The following PLXNB2 variants were observed in gnomAD, a reference collection of about 807,000 sequenced individuals.
PLXNB2 encodes the protein plexin B2.
PLXNB2 carries 85 observed loss-of-function variants against 202.6 expected under a neutral mutation model. The observed-to-expected ratio is 0.42, with a 90% confidence interval of 0.35 to 0.50. PLXNB2 has a LOEUF of 0.50. Ranked by LOEUF, PLXNB2 falls within the 20% of genes least tolerant of loss-of-function variation. The pLI is 0.02. For synonymous variants in PLXNB2, 1,239 were observed against 1,137.6 expected (o/e 1.09, Z -1.79); for missense variants, 2,063 against 2,586.2 (o/e 0.80, Z 4.39).
chr22:50,283,139 G>C lies in PLXNB2; in HGVS notation c.2727C>G (p.Gly909=), dbSNP rs756462379. Residue 909 remains glycine (G), a synonymous_variant, in exon 17 of 37, where the codon GGC becomes GGG. Coordinates refer to ENST00000359337, the MANE Select transcript of PLXNB2 (RefSeq NM_012401.4). The part of the protein sequence containing the change: ...SVEPQQGPQA[G]GTTLTIHGTH... ...TGCCGTGGATGGTCAGTGTGGTGCC[G>C]CCCGCCTGCGGTCCCTGCTGCGGCT... The C allele has an allele frequency of 1.3e-6, 2 of 1,595,694 alleles. No individual in the cohort carries two copies. The highest frequency in any genetic ancestry group is 2.3e-5 in the East Asian group (1 of 43,778).
rs1356074125 is a variant in PLXNB2, at chr22:50,284,635, G to A, written c.2119C>T (p.Leu707Phe). ...GSSLHVGSDL[L>F]KFMEPVTMQE... ...ATGGTCACCGGCTCCATGAACTTGA[G>A]CAAGTCACTGCCCACGTGCAGGGAG... Residue 707 changes from leucine (L) to phenylalanine (F), a missense_variant, in exon 12 of 37, where the codon CTC becomes TTC. Leu to Phe is a conservative substitution (Grantham distance 22, BLOSUM62 0). This residue lies in a region of PLXNB2 where 1,303 missense variants were observed against 1,476.8 expected (regional missense o/e 0.88). Coordinates refer to ENST00000359337, the MANE Select transcript of PLXNB2 (RefSeq NM_012401.4). The surrounding 1 kb of genome is among the most constrained non-coding windows in gnomAD (Gnocchi z 8.0). 1.3e-5 allele frequency: 21 copies of A among 1,612,686 alleles called. No individual in the cohort carries two copies. The highest frequency in any genetic ancestry group is 1.6e-5 in the Non-Finnish European group (19 of 1,179,672).
chr22:50,286,399 G>C (rs1034564762), intron 8 of PLXNB2, 112 bp from the exon 9 acceptor site: 2 of 714,474 alleles, frequency 2.8e-6, no homozygotes, highest in African/African-American at 3.5e-5. Context: ...CTGGTCTTCA[G>C]GGGGCCCTGC....
In PLXNB2 at chr22:50,289,971, G is replaced by A; in HGVS notation, c.614C>T (p.Thr205Ile). 6.2e-7 allele frequency: 1 copy of A among 1,613,344 alleles called. No homozygotes were observed. The change falls in exon 3 of 37, where the codon ACC becomes ATC. Residue 205 changes from threonine (T) to isoleucine (I), a missense_variant. By Grantham distance (89) the Thr-to-Ile change is moderately conservative. This residue lies in a region of PLXNB2 where 1,303 missense variants were observed against 1,476.8 expected (regional missense o/e 0.88). Transcript: ENST00000359337. The surrounding 1 kb of genome is among the most constrained non-coding windows in gnomAD (Gnocchi z 8.0). Reference protein sequence around the residue: ...EAFEAYTDHATYKAGYLSTNT... With the variant: ...EAFEAYTDHAIYKAGYLSTNT... ...GGTGGACAGGTAGCCGGCCTTGTAG[G>A]TGGCGTGGTCCGTGTAGGCTTCAAA...
rs911079906 is a variant in PLXNB2, at chr22:50,279,636, T to G, written c.4383A>C (p.Ala1461=). The part of the protein sequence containing the change: ...TGLLGDDVEY[A]PLTVSVIVQD... ...CCCCACCCCAGAAGCTCACCAGGGGTGCGTACTCCACATCATCCCCCAGCA... is the reference window on the plus strand; with the variant it reads ...CCCCACCCCAGAAGCTCACCAGGGGGGCGTACTCCACATCATCCCCCAGCA... Residue 1461 remains alanine, a synonymous_variant, in exon 27 of 37, where the codon GCA becomes GCC. Coordinates refer to ENST00000359337, the MANE Select transcript of PLXNB2 (RefSeq NM_012401.4). The G allele has an allele frequency of 2.5e-6, 4 of 1,613,298 alleles. No homozygotes were observed. The highest frequency in any genetic ancestry group is 1.7e-4 in the Middle Eastern group (1 of 6,056).
chr22:50,279,357 A>T (rs2065831186), intron 27 of PLXNB2, among the ~76,000 whole-genome samples: 1 of 152,214 alleles, frequency 6.6e-6, no homozygotes, highest in Admixed American at 6.5e-5. Context: ...AGAACCCTGG[A>T]CACACCTGGT....
rs2066310827 is a variant in PLXNB2, at chr22:50,284,932, C to G, written c.2089-267G>C. 2 of 597,300 alleles carry G rather than the reference C, an allele frequency of 3.3e-6. No homozygotes were observed. The highest frequency in any genetic ancestry group is 6.5e-6 in the Non-Finnish European group (2 of 308,930). The allele number at this position is 597,300 out of a possible 1,614,324, so 37.0% of individuals were successfully genotyped here. On this transcript the variant is annotated intron_variant, in intron 11 of 36. Coordinates refer to ENST00000359337, the MANE Select transcript of PLXNB2 (RefSeq NM_012401.4). This position sits in a 1 kb window ranked among gnomAD's most constrained non-coding sequence, Gnocchi z 8.0. ...TCCACACCTGAGAACATCGCCCGGC[C>G]CACCTGACATCGTGGCCCCCACAGC...
intron 8 of PLXNB2, among the ~76,000 whole-genome samples, 199 bp downstream of exon 8, chr22:50,286,912 G>C (rs374723774): frequency 6.6e-6 from 1 of 152,178 alleles, no homozygotes; most frequent in Non-Finnish European, 1.5e-5. Flanking sequence ...GCGTGGCTGC[G>C]GACAGCCCAA....
intron 2 of PLXNB2, among the ~76,000 whole-genome samples, chr22:50,293,211 G>C (rs1276673829): frequency 6.6e-6 from 1 of 152,194 alleles, no homozygotes; most frequent in Non-Finnish European, 1.5e-5. Flanking sequence ...GCTCAGCCAG[G>C]GTCCCCCGCT....
intron 1 of PLXNB2, among the ~76,000 whole-genome samples, chr22:50,300,823 G>A (rs1387435284): frequency 6.6e-6 from 1 of 152,140 alleles, no homozygotes; most frequent in Non-Finnish European, 1.5e-5. Context: ...GCCCCATGAA[G>A]CCCCAGCTCC....
chr22:50,279,607 C>A (rs112066596), intron 27 of PLXNB2, 23 bp downstream of exon 27: 2 of 1,610,440 alleles, frequency 1.2e-6, no homozygotes, highest in Non-Finnish European at 1.7e-6. Flanking sequence ...GCGCCCATGG[C>A]GGCCCCCACC....
At chr22:50,302,715 T>TG (rs112374276) in intron 1 of PLXNB2, among the ~76,000 whole-genome samples, 3,102 of 151,050 alleles carry the variant, frequency 0.021, 54 homozygotes, top group South Asian at 0.037. Context: ...TGAGAGGGAG[T>TG]GGGGGGGGCC....
intron 28 of PLXNB2, 28 bp downstream of exon 28, chr22:50,278,827 G>A (rs752703564): frequency 7.5e-6 from 12 of 1,604,100 alleles, no homozygotes; most frequent in Middle Eastern, 1.7e-4. Flanking sequence ...GGGCGCCTGT[G>A]TGCAGACGGG....
Position 50,284,851 on chromosome 22 carries a change from C to A in PLXNB2, c.2089-186G>T, listed in dbSNP as rs757774535. On this transcript the variant is annotated intron_variant, in intron 11 of 36. Transcript: ENST00000359337. The surrounding 1 kb of genome is among the most constrained non-coding windows in gnomAD (Gnocchi z 8.0). ...CACTCCTGAGCCCAAACACCTGTGT[C>A]TGCAGAAGCCTCTGAACGTCCTCTG... The A allele has an allele frequency of 4.2e-6, 3 of 721,282 alleles. No homozygotes were observed. Among genetic ancestry groups the A allele is most frequent in the Non-Finnish European group, 7.8e-6 (3 of 385,340 alleles). The allele number at this position is 721,282 out of a possible 1,614,324, so 44.7% of individuals were successfully genotyped here. A position where few individuals can be genotyped will look rare whatever the true frequency, so the allele number is the denominator to read the frequency against.
chr22:50,289,574 G>T lies in PLXNB2; in HGVS notation c.1011C>A (p.Ala337=). ...GGAAGGGCTTGTAGAAGATGTCACG[G>T]GCCTCCCGGGTGCCTGTGTAACAGG... is the stretch of plus-strand genomic sequence containing the variant. ...RNACYTGTRE[A]RDIFYKPFHG... Residue 337 remains alanine (A), a synonymous_variant, in exon 3 of 37, where the codon GCC becomes GCA. Transcript: ENST00000359337. This position sits in a 1 kb window ranked among gnomAD's most constrained non-coding sequence, Gnocchi z 8.0. The T allele has an allele frequency of 6.2e-7, 1 of 1,611,520 alleles. No individual in the cohort carries two copies.
intron 2 of PLXNB2, among the ~76,000 whole-genome samples, chr22:50,292,279 A>G (rs1441694427): frequency 6.7e-6 from 1 of 148,992 alleles, no homozygotes; most frequent in South Asian, 2.1e-4. Flanking sequence ...CGGAGGTTGC[A>G]GCGAGCCAAG....
rs114655723 is a variant in PLXNB2, at chr22:50,288,095, A to C, written c.1381-58T>G. On this transcript the variant is annotated intron_variant, in intron 5 of 36. Transcript: ENST00000359337. This position sits in a 1 kb window ranked among gnomAD's most constrained non-coding sequence, Gnocchi z 5.0. ...CAGAGGCCGCACGGGCCTTCCGCAG[A>C]CCCCAGATGTCCCCAGACCGCCAGC... 8,279 of 1,326,942 alleles carry C rather than the reference A, an allele frequency of 6.2e-3. 438 individuals are homozygous for C. The African/African-American group carries it at 0.11, about 17-fold the overall frequency. The allele number at this position is 1,326,942 out of a possible 1,614,324, so 82.2% of individuals were successfully genotyped here.
At chr22:50,280,144 C>A (rs2065885535) in intron 25 of PLXNB2, 73 bp from the exon 26 acceptor site, 2 of 1,271,728 alleles carry the variant, frequency 1.6e-6, no homozygotes, top group African/African-American at 3.0e-5. Context: ...CCTCCAAGCA[C>A]CCGGCCACCC....
At chr22:50,277,449 T>C in intron 33 of PLXNB2, 142 bp downstream of exon 33, 4 of 836,626 alleles carry the variant, frequency 4.8e-6, no homozygotes, top group Admixed American at 3.5e-5. Context: ...GCCCCCAGCC[T>C]CCGCCACCCG....
At chr22:50,282,564 G>A in intron 18 of PLXNB2, 147 bp downstream of exon 18, 1 of 693,014 alleles carries the variant, frequency 1.4e-6, no homozygotes, top group Non-Finnish European at 2.4e-6. Flanking sequence ...GGAGGAAGTG[G>A]ATCTGGAGTG....
Sources: allele counts gnomAD v4.1 joint callset (sites outside exome capture counted in the v4.1 genomes callset), GRCh38; gene constraint gnomAD v4.1.1; regional missense constraint gnomAD v4.1.1; non-coding constraint Gnocchi (gnomAD v3.1); transcripts MANE v1.5; gene names NCBI Gene and HGNC (gene_info 2026-07-23, HGNC 2026-07-21).